ADD2: variants seen among roughly 807,000 people sequenced by gnomAD.
The protein encoded by ADD2 is beta-adducin.
ADD2 carries 23 observed loss-of-function variants against 83.0 expected under a neutral mutation model. That is an observed-to-expected ratio of 0.28 (90% CI 0.20 to 0.39). The LOEUF is 0.39. Ranked by LOEUF, ADD2 falls within the 10% of genes least tolerant of loss-of-function variation. The pLI is 1.00. For missense variants in ADD2, 758 were observed against 944.9 expected, an observed-to-expected ratio of 0.80 and a Z score of 2.59; for synonymous variants, 375 against 375.4, an observed-to-expected ratio of 1.00 and a Z score of 0.01.
At chr2:70,702,625 C>T (rs1287763491) in intron 4 of ADD2, among the ~76,000 whole-genome samples, 3 of 151,170 alleles carry the variant, frequency 2.0e-5, no homozygotes, top group African/African-American at 4.9e-5. Flanking sequence ...CAATGGTTTC[C>T]GCTACACAGA....
chr2:70,724,011 G>A (rs1234767825), intron 1 of ADD2, among the ~76,000 whole-genome samples: 2 of 152,228 alleles, frequency 1.3e-5, no homozygotes, highest in African/African-American at 4.8e-5. Context: ...ATTAGCCCAA[G>A]GCAGGGTATG....
chr2:70,726,081 G>C (rs1672982351), intron 1 of ADD2, among the ~76,000 whole-genome samples: 1 of 150,686 alleles, frequency 6.6e-6, no homozygotes, highest in South Asian at 2.1e-4. Flanking sequence ...CAGCTACTTG[G>C]GAGGCTGAGG....
Position 70,682,209 on chromosome 2 carries a change from A to G in ADD2, c.1125+1382T>C, listed in dbSNP as rs187582498. On this transcript the variant is annotated intron_variant, in intron 10 of 15. Coordinates refer to ENST00000264436, the MANE Select transcript of ADD2 (RefSeq NM_001617.4). The stretch of plus-strand genomic sequence containing the variant: ...GCATTTTTCATCAACGTTCAAAGAA[A>G]AATTGGTCTAAATATATTACAATTA... 2.0e-3 allele frequency among the ~76,000 whole-genome samples: 311 copies of G among 152,356 alleles called. 2 individuals are homozygous for G. The highest frequency in any genetic ancestry group is 8.9e-3 in the South Asian group (43 of 4,824).
chr2:70,741,775 G>A (rs188032034), intron 1 of ADD2, among the ~76,000 whole-genome samples: 2 of 152,284 alleles, frequency 1.3e-5, no homozygotes, highest in African/African-American at 4.8e-5. Context: ...TGCAACAGGA[G>A]CAAGAGATAA....
intron 1 of ADD2, among the ~76,000 whole-genome samples, chr2:70,745,333 A>C (rs1306463092): frequency 6.6e-6 from 1 of 152,168 alleles, no homozygotes; most frequent in Non-Finnish European, 1.5e-5. Flanking sequence ...AAAGTACCCC[A>C]ACCCCATTCT....
intron 4 of ADD2, among the ~76,000 whole-genome samples, chr2:70,702,358 G>A (rs904660540): frequency 6.6e-6 from 1 of 152,008 alleles, no homozygotes; most frequent in African/African-American, 2.4e-5. Flanking sequence ...GTAGAGACAG[G>A]GTGTCACCAT....
chr2:70,708,434 A>T lies in ADD2; in HGVS notation c.-34-1992T>A, dbSNP rs181855889. 7.2e-5 allele frequency among the ~76,000 whole-genome samples: 11 copies of T among 152,346 alleles called. No individual in the cohort carries two copies. In the East Asian group the frequency reaches 2.1e-3, roughly 29 times the overall value. ...TATGACCTGGACATCAGGATTTTTC[A>T]AAAGCTCCCTAATCCCTAGTGAGCA... On this transcript the variant is annotated intron_variant, in intron 2 of 15. Transcript: ENST00000264436.
chr2:70,740,995 C>G (rs1673868571), intron 1 of ADD2, among the ~76,000 whole-genome samples: 1 of 152,210 alleles, frequency 6.6e-6, no homozygotes, highest in Admixed American at 6.5e-5. Context: ...CCACCGTGCC[C>G]GGCCTTGGTC....
At position 70,676,529 on chromosome 2, in the gene ADD2, T is replaced by G; in HGVS notation, c.1593+267A>C. 7.3e-7 allele frequency: 1 copy of G among 1,375,872 alleles called. No individual in the cohort carries two copies. Among genetic ancestry groups the G allele is most frequent in the Non-Finnish European group, 9.4e-7 (1 of 1,059,738 alleles). 85.2% of individuals were successfully genotyped at this position (1,375,872 alleles called of 1,614,324 possible). ...CAGAGTGGAGTTCCATGGCAGGAGG[T>G]ACGGAAGCCGGCCGCATCACTCCTG... On this transcript the variant is annotated intron_variant, in intron 13 of 15. Transcript: ENST00000264436. The surrounding 1 kb of genome is among the most constrained non-coding windows in gnomAD (Gnocchi z 4.8).
At chr2:70,732,669 G>A (rs1329334215) in intron 1 of ADD2, among the ~76,000 whole-genome samples, 1 of 152,124 alleles carries the variant, frequency 6.6e-6, no homozygotes, top group Non-Finnish European at 1.5e-5. Flanking sequence ...TAAGGTCCCC[G>A]GGGGCTGGGA....
At chr2:70,752,218 G>A (rs1248388146) in intron 1 of ADD2, among the ~76,000 whole-genome samples, 1 of 152,108 alleles carries the variant, frequency 6.6e-6, no homozygotes, top group East Asian at 1.9e-4. Context: ...TAACAAGGGA[G>A]AAAAATAAAC....
intron 1 of ADD2, among the ~76,000 whole-genome samples, chr2:70,747,074 G>C (rs1674242739): frequency 6.8e-6 from 1 of 146,748 alleles, no homozygotes; most frequent in African/African-American, 2.6e-5. Context: ...CAGTGGAGCT[G>C]ATCTTGGCTC....
chr2:70,674,932 C>T (rs1670059457), intron 13 of ADD2, 107 bp from the exon 14 acceptor site: 14 of 1,475,848 alleles, frequency 9.5e-6, no homozygotes, highest in Middle Eastern at 2.2e-4. Context: ...TTGCTAGGGA[C>T]AGCGTGGCAT....
In ADD2 at chr2:70,658,770, G is replaced by A. The variant is rs1675441891; in HGVS notation, c.*4655C>T. The A allele has an allele frequency of 6.6e-6, 1 of 152,100 alleles. No individual in the cohort carries two copies. The highest frequency in any genetic ancestry group is 2.4e-5 in the African/African-American group (1 of 41,404). The allele number at this position is 152,100 out of a possible 1,614,324, so 9.4% of individuals were successfully genotyped here. On this transcript the variant is annotated 3_prime_UTR_variant, in exon 16 of 16. Coordinates refer to ENST00000264436, the MANE Select transcript of ADD2 (RefSeq NM_001617.4). The stretch of plus-strand genomic sequence containing the variant: ...GACCTGCATGTGTAAAATGAGTAAG[G>A]GGTAAATGTTCTCTCATTTGTTCAC...
intron 1 of ADD2, among the ~76,000 whole-genome samples, chr2:70,765,181 C>T (rs1047788964): frequency 4.0e-5 from 6 of 151,092 alleles, no homozygotes; most frequent in Admixed American, 1.3e-4. Flanking sequence ...GGCGAAACCC[C>T]GTCTCTACTA....
intron 1 of ADD2, among the ~76,000 whole-genome samples, chr2:70,726,014 CGTCT>C (rs1307842454): frequency 1.3e-5 from 2 of 151,426 alleles, no homozygotes; most frequent in African/African-American, 4.9e-5. Context: ...GGTGAAACCC[CGTCT>C]CTACTAAAAA....
At chr2:70,738,697 G>C (rs1379621397) in intron 1 of ADD2, among the ~76,000 whole-genome samples, 1 of 152,188 alleles carries the variant, frequency 6.6e-6, no homozygotes, top group Admixed American at 6.5e-5. Flanking sequence ...TGCAGCCAGA[G>C]ATTTGAAGAC....
At chr2:70,707,686 C>CAG (rs1268376328) in intron 2 of ADD2, among the ~76,000 whole-genome samples, 3 of 152,214 alleles carry the variant, frequency 2.0e-5, no homozygotes, top group Non-Finnish European at 4.4e-5. Context: ...CTCTTCTCAG[C>CAG]AGAAGGCAGC....
At chr2:70,707,636 T>G (rs1475251253) in intron 2 of ADD2, among the ~76,000 whole-genome samples, 1 of 152,248 alleles carries the variant, frequency 6.6e-6, no homozygotes, top group African/African-American at 2.4e-5. Flanking sequence ...ACACCCAGGG[T>G]GGCCTTACAG....
Sources: gnomAD v4.1 joint callset for allele counts (sites outside exome capture counted in the v4.1 genomes callset) on GRCh38, gnomAD v4.1.1 for gene constraint, Gnocchi (gnomAD v3.1) non-coding constraint, MANE v1.5 for transcripts, NCBI Gene and HGNC (gene_info 2026-07-23, HGNC 2026-07-21) for gene names.